Variants in GRHL1 observed in about 807,000 individuals in gnomAD.
GRHL1 encodes the protein grainyhead like transcription factor 1.
Under a neutral mutation model 75.7 loss-of-function variants are expected in GRHL1, and 38 were observed. The observed-to-expected ratio is 0.50, with a 90% CI of 0.39 to 0.66. The LOEUF is 0.66. Ranked by LOEUF, GRHL1 falls within the 30% of genes least tolerant of loss-of-function variation. The pLI is 0.00. For missense variants in GRHL1, 589 were observed against 767.5 expected, an observed-to-expected ratio of 0.77 and a Z score of 2.75; for synonymous variants, 266 against 279.4, an observed-to-expected ratio of 0.95 and a Z score of 0.48.
At chr2:9,995,378 G>A (rs1227315376) in intron 12 of GRHL1, 5 of 152,384 alleles carry the variant, frequency 3.3e-5, no homozygotes, top group Admixed American at 2.0e-4. Flanking sequence ...GATCGCTTGA[G>A]CCCAGGAATT....
chr2:9,976,514 T>A (rs1225392508), intron 8 of GRHL1, among the ~76,000 whole-genome samples: 4 of 151,974 alleles, frequency 2.6e-5, no homozygotes, highest in African/African-American at 9.7e-5. Flanking sequence ...GGCTGTGTAA[T>A]GTTGTGACCC....
intron 8 of GRHL1, among the ~76,000 whole-genome samples, chr2:9,967,854 T>C (rs1298698252): frequency 6.6e-6 from 1 of 152,198 alleles, no homozygotes; most frequent in Non-Finnish European, 1.5e-5. Context: ...CTTGTTCTCA[T>C]TTAGGATGCA....
chr2:9,966,658 A>G (rs1265298922), intron 8 of GRHL1, among the ~76,000 whole-genome samples: 1 of 152,090 alleles, frequency 6.6e-6, no homozygotes, highest in African/African-American at 2.4e-5. Context: ...GTTTCATTTT[A>G]TCCTGCCCCA....
At chr2:9,994,269 T>C (rs13031952) in intron 12 of GRHL1, among the ~76,000 whole-genome samples, 79,117 of 151,418 alleles carry the variant, frequency 0.52, 21,826 homozygotes, top group African/African-American at 0.71. Flanking sequence ...CTCAGACTCC[T>C]GAGTAGGTGG....
At position 9,967,024 on chromosome 2, in the gene GRHL1, A is replaced by G. The variant is rs191367002; in HGVS notation, c.1110+1643A>G. Among the ~76,000 whole-genome samples the G allele has an allele frequency of 3.0e-4, 45 of 152,346 alleles. 1 individual carries two copies. Among genetic ancestry groups the G allele is most frequent in the African/African-American group, 1.1e-3 (45 of 41,584 alleles). Reference sequence around the variant, plus strand: ...ACTCAGTCCACTGGCTACTACGAACAGCCTATGAAAAGTATTGGCCTTGTG... The same window carrying G: ...ACTCAGTCCACTGGCTACTACGAACGGCCTATGAAAAGTATTGGCCTTGTG... On this transcript the variant is annotated intron_variant, in intron 8 of 15. Coordinates refer to ENST00000324907, the MANE Select transcript of GRHL1 (RefSeq NM_198182.3).
chr2:9,998,808 ACG>A (rs1275500268), intron 14 of GRHL1, among the ~76,000 whole-genome samples, 155 bp from the exon 15 acceptor site: 3 of 67,588 alleles, frequency 4.4e-5, no homozygotes, highest in African/African-American at 2.9e-4. Context: ...ACATATATAT[ACG>A]TATATATATG....
At chr2:9,964,669 G>T (rs1374834911) in intron 7 of GRHL1, 1 of 211,150 alleles carries the variant, frequency 4.7e-6, no homozygotes, top group Admixed American at 5.3e-5. Flanking sequence ...AAAAGATTCT[G>T]ATTATTATTT....
intron 13 of GRHL1, 98 bp from the exon 14 acceptor site, chr2:9,996,218 A>G (rs1668854657): frequency 1.2e-6 from 1 of 861,426 alleles, no homozygotes; most frequent in African/African-American, 1.7e-5. Flanking sequence ...TTTTTATTTT[A>G]GCTGGTACCG....
rs193009426 is a variant in GRHL1 at position 9,993,862 on chromosome 2, C to T, written c.1499+618C>T. Among the ~76,000 whole-genome samples the T allele has an allele frequency of 8.5e-5, 13 of 152,288 alleles. No individual in the cohort carries two copies. The East Asian group carries it at 2.5e-3, about 29-fold the overall frequency. The stretch of plus-strand genomic sequence containing the variant: ...TGTTGTCTGGGGAGGTGCATTGTAG[C>T]TTTGTAAATATCTCATTCCCCATCA... On this transcript the variant is annotated intron_variant, in intron 12 of 15. Coordinates refer to ENST00000324907, the MANE Select transcript of GRHL1 (RefSeq NM_198182.3).
intron 9 of GRHL1, 35 bp downstream of exon 9, chr2:9,986,317 G>C: frequency 6.5e-7 from 1 of 1,548,694 alleles, no homozygotes; most frequent in Non-Finnish European, 8.8e-7. Context: ...ACAAGTGTTT[G>C]AGACACACTC....
intron 2 of GRHL1, among the ~76,000 whole-genome samples, chr2:9,957,863 C>T (rs1667101687): frequency 6.6e-6 from 1 of 152,208 alleles, no homozygotes; most frequent in Non-Finnish European, 1.5e-5. Context: ...CATTTGCCTA[C>T]TTTTCACTTC....
At chr2:9,973,532 G>A (rs368294914) in intron 8 of GRHL1, among the ~76,000 whole-genome samples, 7 of 152,198 alleles carry the variant, frequency 4.6e-5, no homozygotes, top group Non-Finnish European at 8.8e-5. Context: ...ACTGACTTCA[G>A]TTGAATTCTA....
At chr2:9,972,747 C>T (rs1432812988) in intron 8 of GRHL1, among the ~76,000 whole-genome samples, 1 of 152,208 alleles carries the variant, frequency 6.6e-6, no homozygotes, top group Non-Finnish European at 1.5e-5. Context: ...TCAGAGCAAA[C>T]ATTGTACTTG....
chr2:9,965,381 G>A lies in GRHL1; in HGVS notation c.1110G>A (p.Lys370=), dbSNP rs749544331. The stretch of plus-strand genomic sequence containing the variant: ...CATGGGACATCAACGATGAAGCAAA[G>A]GTGGGTGGTGAGGTCTGGGCGCCTT... ...SFTWDINDEA[K]VFISVNCLST... Residue 370 remains lysine, a splice_region_variant and synonymous_variant, in exon 8 of 16, where the codon AAG becomes AAA. Coordinates refer to ENST00000324907, the MANE Select transcript of GRHL1 (RefSeq NM_198182.3). The A allele has an allele frequency of 6.3e-7, 1 of 1,584,768 alleles. No homozygotes were observed. The highest frequency in any genetic ancestry group is 8.7e-7 in the Non-Finnish European group (1 of 1,153,282).
At chr2:9,973,871 G>C (rs1000232093) in intron 8 of GRHL1, among the ~76,000 whole-genome samples, 51 of 152,204 alleles carry the variant, frequency 3.4e-4, no homozygotes, top group Admixed American at 2.4e-3. Context: ...CGCTGCTACT[G>C]TCTCATGGAG....
chr2:9,996,433 C>T (rs1348831579), intron 14 of GRHL1, 32 bp downstream of exon 14: 5 of 1,325,452 alleles, frequency 3.8e-6, no homozygotes, highest in Non-Finnish European at 5.5e-6. Flanking sequence ...ATCCCCTGTA[C>T]AAAATGAAAG....
chr2:9,961,013 A>G (rs748666530), intron 3 of GRHL1, 33 bp from the exon 4 acceptor site: 17 of 1,499,230 alleles, frequency 1.1e-5, no homozygotes, highest in African/African-American at 1.4e-5. Context: ...CTACATCAGC[A>G]TCGCGTTTGA....
chr2:9,981,452 C>G (rs1318623367), intron 8 of GRHL1, among the ~76,000 whole-genome samples: 1 of 152,220 alleles, frequency 6.6e-6, no homozygotes, highest in Non-Finnish European at 1.5e-5. Context: ...GTCCAAGCAA[C>G]TTAGAGGATG....
intron 8 of GRHL1, among the ~76,000 whole-genome samples, chr2:9,985,065 C>CAAA (rs3032357): frequency 8.2e-6 from 1 of 122,520 alleles, no homozygotes. Flanking sequence ...CAGACTGTCT[C>CAAA]AAAAAAAAAA....
Sources: allele counts gnomAD v4.1 joint callset (sites outside exome capture counted in the v4.1 genomes callset), GRCh38; gene constraint gnomAD v4.1.1; transcripts MANE v1.5; gene names NCBI Gene and HGNC (gene_info 2026-07-23, HGNC 2026-07-21).